PHIP: variants seen among roughly 807,000 people sequenced by gnomAD.
PHIP encodes PH-interacting protein.
In PHIP, 54 loss-of-function variants were observed where a neutral mutation model predicts 236.8. The observed-to-expected ratio is 0.23, with a 90% CI of 0.18 to 0.29. The LOEUF (loss-of-function observed/expected upper bound fraction) is 0.29. Among genes scored for constraint, PHIP ranks in the 10% least tolerant of loss-of-function variants. PHIP has a pLI of 1.00. For missense variants in PHIP, 1,370 were observed against 2,190.8 expected (o/e 0.63, Z 7.48); for synonymous variants, 756 against 718.9 (o/e 1.05, Z -0.83).
At chr6:78,949,711 A>G (rs1210497193) in intron 35 of PHIP, among the ~76,000 whole-genome samples, 6 of 150,668 alleles carry the variant, frequency 4.0e-5, no homozygotes, top group Non-Finnish European at 7.4e-5. Context: ...TGTTAATGAG[A>G]TAGGGTCTCA....
At chr6:78,993,464 G>T (rs946923291) in intron 19 of PHIP, among the ~76,000 whole-genome samples, 2 of 152,164 alleles carry the variant, frequency 1.3e-5, no homozygotes, top group African/African-American at 4.8e-5. Context: ...AAGCTTCAAA[G>T]GGCAGTCTAA....
At chr6:78,954,550 G>C (rs1037974523) in intron 35 of PHIP, among the ~76,000 whole-genome samples, 1 of 151,822 alleles carries the variant, frequency 6.6e-6, no homozygotes, top group Admixed American at 6.6e-5. Context: ...ATTCAGATGA[G>C]AAAACTAAGG....
rs544237892 is a variant in PHIP, at chr6:79,059,278, A to G, written c.439+1200T>C. ...GGTTATTTTAAGATAATGACTGAGA[A>G]TTTTTCAATGTCAATAAAAGACATT... On this transcript the variant is annotated intron_variant, in intron 6 of 39. Transcript: ENST00000275034. Among the ~76,000 whole-genome samples, 9 of 152,112 alleles carry G rather than the reference A, an allele frequency of 5.9e-5. No individual in the cohort carries two copies. In the South Asian group the frequency reaches 1.9e-3, roughly 32 times the overall value.
chr6:78,942,074 T>A (rs1338243188), intron 39 of PHIP, among the ~76,000 whole-genome samples: 1 of 152,232 alleles, frequency 6.6e-6, no homozygotes, highest in Non-Finnish European at 1.5e-5. Context: ...ATATGGTAGG[T>A]GATTTGCAAT....
chr6:79,017,964 C>A (rs1167257194), intron 10 of PHIP, among the ~76,000 whole-genome samples: 1 of 151,832 alleles, frequency 6.6e-6, no homozygotes, highest in Non-Finnish European at 1.5e-5. Flanking sequence ...ACTTTTAAGG[C>A]CCAACTCCCT....
intron 22 of PHIP, among the ~76,000 whole-genome samples, chr6:78,984,941 T>C (rs936642832): frequency 6.6e-6 from 1 of 152,206 alleles, no homozygotes; most frequent in African/African-American, 2.4e-5. Flanking sequence ...TCTGGTCAAA[T>C]AAGGTAGGCA....
At position 78,935,571 on chromosome 6, in the gene PHIP, T is replaced by C. The variant is rs961240088; in HGVS notation, c.*5122A>G. On this transcript the variant is annotated 3_prime_UTR_variant, in exon 40 of 40. Coordinates refer to ENST00000275034, the MANE Select transcript of PHIP (RefSeq NM_017934.7). ...TATCACTCATCACAGTAACTTACGG[T>C]AAGAAATCAATAAAATTGTTTTATT... 2.1e-6 allele frequency: 2 copies of C among 970,816 alleles called. No homozygotes were observed. The highest frequency in any genetic ancestry group is 6.2e-5 in the Admixed American group (1 of 16,236). 60.1% of individuals were successfully genotyped at this position (970,816 alleles called of 1,614,324 possible).
intron 20 of PHIP, among the ~76,000 whole-genome samples, chr6:78,988,736 T>G (rs1031486292): frequency 1.0e-4 from 11 of 108,468 alleles, no homozygotes; most frequent in East Asian, 2.9e-4. Flanking sequence ...AAAAATGCTG[T>G]TTTTTTTTTT....
At chr6:79,058,822 A>G (rs1773205383) in intron 6 of PHIP, among the ~76,000 whole-genome samples, 1 of 152,110 alleles carries the variant, frequency 6.6e-6, no homozygotes, top group Admixed American at 6.6e-5. Flanking sequence ...TGAAAGAACA[A>G]GCATAACGTG....
intron 22 of PHIP, among the ~76,000 whole-genome samples, chr6:78,983,716 A>G (rs1768688088): frequency 2.0e-5 from 3 of 152,126 alleles, no homozygotes; most frequent in Admixed American, 2.0e-4. Context: ...CATTTAGATA[A>G]AATTATTCTA....
At chr6:78,985,514 A>G (rs573535101) in intron 21 of PHIP, 86 bp from the exon 22 acceptor site, 1 of 788,416 alleles carries the variant, frequency 1.3e-6, no homozygotes, top group African/African-American at 1.7e-5. Flanking sequence ...ATATCTTATA[A>G]TATCAGTCAT....
chr6:78,971,278 C>T (rs544644501), intron 24 of PHIP, among the ~76,000 whole-genome samples: 48 of 152,260 alleles, frequency 3.2e-4, no homozygotes, highest in African/African-American at 1.1e-3. Flanking sequence ...AATGTACTTT[C>T]ACATATATTT....
intron 35 of PHIP, among the ~76,000 whole-genome samples, chr6:78,953,558 G>C (rs1358146924): frequency 6.6e-6 from 1 of 152,114 alleles, no homozygotes; most frequent in East Asian, 1.9e-4. Context: ...CTCAGTCCCA[G>C]GTTTTTTGAA....
intron 6 of PHIP, among the ~76,000 whole-genome samples, chr6:79,056,459 G>A (rs1164791065): frequency 2.0e-5 from 3 of 152,246 alleles, no homozygotes; most frequent in African/African-American, 7.2e-5. Flanking sequence ...CTATCATTCA[G>A]TCACTCTCAA....
chr6:78,992,152 C>CG (rs563025905), intron 19 of PHIP, among the ~76,000 whole-genome samples: 31 of 151,794 alleles, frequency 2.0e-4, no homozygotes, highest in African/African-American at 7.0e-4. Flanking sequence ...TTAGTAGAGA[C>CG]GGGGGTCCAC....
intron 15 of PHIP, among the ~76,000 whole-genome samples, chr6:79,005,457 T>A (rs1473792257): frequency 6.6e-6 from 1 of 151,898 alleles, no homozygotes; most frequent in South Asian, 2.1e-4. Flanking sequence ...AAAAGTTACA[T>A]GAACTGTTAT....
At chr6:79,042,653 T>G (rs1772283718) in intron 7 of PHIP, among the ~76,000 whole-genome samples, 190 bp downstream of exon 7, 1 of 152,050 alleles carries the variant, frequency 6.6e-6, no homozygotes, top group Non-Finnish European at 1.5e-5. Context: ...CAACATGTCA[T>G]TTAGAAACTT....
At chr6:79,074,372 A>C (rs1331312782) in intron 4 of PHIP, among the ~76,000 whole-genome samples, 1 of 152,074 alleles carries the variant, frequency 6.6e-6, no homozygotes, top group Non-Finnish European at 1.5e-5. Flanking sequence ...ATCATCATTA[A>C]GTGACAACTA....
At chr6:79,058,534 T>TA (rs757069631) in intron 6 of PHIP, among the ~76,000 whole-genome samples, 5 of 152,116 alleles carry the variant, frequency 3.3e-5, no homozygotes, top group Non-Finnish European at 7.4e-5. Context: ...AAGCATAGCA[T>TA]AATGGAGTCA....
Sources: gnomAD v4.1 joint callset for allele counts (sites outside exome capture counted in the v4.1 genomes callset) on GRCh38, gnomAD v4.1.1 for gene constraint, MANE v1.5 for transcripts, NCBI Gene and HGNC (gene_info 2026-07-23, HGNC 2026-07-21) for gene names.